CSTPP1: variants seen among roughly 807,000 people sequenced by gnomAD.
CSTPP1 encodes the protein UPF0705 protein C11orf49.
the CSTPP1 span, among the ~76,000 whole-genome samples, chr11:47,011,502 G>A: frequency 6.6e-6 from 1 of 152,200 alleles, no homozygotes; most frequent in South Asian, 2.1e-4. Flanking sequence ...AAGTTTTGGG[G>A]TGTGGGCACA....
At chr11:47,107,422 C>T in the CSTPP1 span, among the ~76,000 whole-genome samples, 1 of 152,108 alleles carries the variant, frequency 6.6e-6, no homozygotes, top group Non-Finnish European at 1.5e-5. Context: ...TTGTTCTGTC[C>T]TTATGAGGTC....
chr11:47,085,751 G>A, the CSTPP1 span, among the ~76,000 whole-genome samples: 1 of 151,644 alleles, frequency 6.6e-6, no homozygotes, highest in East Asian at 2.0e-4. Flanking sequence ...TTAGCTGGGT[G>A]TGGTGGCAGG....
the CSTPP1 span, among the ~76,000 whole-genome samples, chr11:47,066,716 C>T: frequency 5.9e-5 from 9 of 152,156 alleles, no homozygotes; most frequent in Non-Finnish European, 1.2e-4. Context: ...AATTCATGGT[C>T]GGAGGAGGTG....
the CSTPP1 span, among the ~76,000 whole-genome samples, chr11:46,984,913 C>T: frequency 2.4e-3 from 369 of 152,210 alleles, 1 homozygote; most frequent in African/African-American, 8.1e-3. Context: ...TGGCCATTTT[C>T]CCTCCCAATT....
At chr11:47,005,193 G>T in the CSTPP1 span, among the ~76,000 whole-genome samples, 2 of 152,064 alleles carry the variant, frequency 1.3e-5, no homozygotes, top group Non-Finnish European at 2.9e-5. Flanking sequence ...TAAGATAGTG[G>T]TTTTTTTGTT....
chr11:47,131,972 G>GT, the CSTPP1 span, among the ~76,000 whole-genome samples: 117 of 149,650 alleles, frequency 7.8e-4, no homozygotes, highest in Non-Finnish European at 1.4e-3. Context: ...GTGAGACTCT[G>GT]TTAAAAAAAA....
chr11:47,155,300 C>T, the CSTPP1 span: 3 of 1,524,078 alleles, frequency 2.0e-6, no homozygotes, highest in Non-Finnish European at 2.7e-6. Context: ...CGCACAGGAC[C>T]CTGTCTCCCT....
chr11:46,977,055 G>T, the CSTPP1 span, among the ~76,000 whole-genome samples: 3 of 152,212 alleles, frequency 2.0e-5, no homozygotes, highest in Admixed American at 6.5e-5. Context: ...TTATTAAGTG[G>T]TTAGTTTAGA....
chr11:47,149,944 C>A, the CSTPP1 span, among the ~76,000 whole-genome samples: 820 of 152,150 alleles, frequency 5.4e-3, 2 homozygotes, highest in African/African-American at 0.019. Context: ...AATCCTAGAA[C>A]TAAGCAGCTT....
the CSTPP1 span, among the ~76,000 whole-genome samples, chr11:47,046,563 A>G: frequency 1.3e-5 from 2 of 151,964 alleles, no homozygotes; most frequent in South Asian, 2.1e-4. Context: ...CCCTGAGTAC[A>G]TGGATAGGAT....
the CSTPP1 span, among the ~76,000 whole-genome samples, chr11:47,139,412 G>C: frequency 2.0e-5 from 3 of 152,218 alleles, no homozygotes; most frequent in African/African-American, 7.2e-5. Flanking sequence ...GGTAGCTCAT[G>C]CCTGTAATCC....
At chr11:46,963,538 C>T in the CSTPP1 span, among the ~76,000 whole-genome samples, 3 of 151,848 alleles carry the variant, frequency 2.0e-5, no homozygotes, top group East Asian at 1.9e-4. Context: ...AGGGGCCGGG[C>T]GCGAGAAGGC....
the CSTPP1 span, among the ~76,000 whole-genome samples, chr11:47,145,136 C>T: frequency 6.6e-6 from 1 of 151,898 alleles, no homozygotes; most frequent in Non-Finnish European, 1.5e-5. Flanking sequence ...TACAGGCACG[C>T]ACCACCATGC....
the CSTPP1 span, chr11:47,053,106 CTGTT>C: frequency 6.6e-6 from 1 of 152,564 alleles, no homozygotes; most frequent in African/African-American, 2.4e-5. Context: ...TTAGAACTGA[CTGTT>C]TGATCTAAGC....
chr11:47,053,896 G>A, the CSTPP1 span, among the ~76,000 whole-genome samples: 1 of 151,992 alleles, frequency 6.6e-6, no homozygotes, highest in Non-Finnish European at 1.5e-5. Flanking sequence ...AGTGAGTCAT[G>A]ATTATGCCAC....
At chr11:47,145,015 G>A in the CSTPP1 span, among the ~76,000 whole-genome samples, 1 of 110,460 alleles carries the variant, frequency 9.1e-6, no homozygotes, top group African/African-American at 3.3e-5. Flanking sequence ...TTGAGATAGA[G>A]TCTTGCTCTG....
the CSTPP1 span, among the ~76,000 whole-genome samples, chr11:47,086,807 A>G: frequency 5.3e-5 from 8 of 152,192 alleles, no homozygotes; most frequent in East Asian, 1.9e-4. Flanking sequence ...GATAACTGTG[A>G]AGGGGGTGAA....
At chr11:47,088,534 A>T in the CSTPP1 span, among the ~76,000 whole-genome samples, 1 of 152,088 alleles carries the variant, frequency 6.6e-6, no homozygotes, top group Non-Finnish European at 1.5e-5. Flanking sequence ...AGTAAAAATA[A>T]ATTTTAGTAA....
the CSTPP1 span, among the ~76,000 whole-genome samples, chr11:46,981,485 A>T: frequency 6.6e-6 from 1 of 152,150 alleles, no homozygotes; most frequent in African/African-American, 2.4e-5. Flanking sequence ...CATTTTTAAA[A>T]ATTTAAAGAT....
Sources: gnomAD v4.1 joint callset for allele counts (sites outside exome capture counted in the v4.1 genomes callset) on GRCh38, gnomAD v4.1.1 for gene constraint, MANE v1.5 for transcripts, NCBI Gene and HGNC (gene_info 2026-07-23, HGNC 2026-07-21) for gene names.